STMN2: variants seen among roughly 807,000 people sequenced by gnomAD.
STMN2 encodes the protein stathmin 2, also known as stathmin-2.
A neutral mutation model predicts 24.1 loss-of-function variants in STMN2; 2 were observed. The observed-to-expected ratio is 0.08, with a 90% confidence interval of 0.03 to 0.26. The LOEUF (loss-of-function observed/expected upper bound fraction) is 0.26, where lower values mean the gene tolerates loss of function less well. Ranked by LOEUF, STMN2 falls within the 10% of genes least tolerant of loss-of-function variation. STMN2 has a pLI of 1.00. For missense variants in STMN2, 114 were observed against 213.6 expected (o/e 0.53, Z 2.91); for synonymous variants, 83 against 77.5 (o/e 1.07, Z -0.37).
intron 1 of STMN2, among the ~76,000 whole-genome samples, chr8:79,632,333 G>A (rs1809822625): frequency 6.6e-6 from 1 of 152,158 alleles, no homozygotes; most frequent in African/African-American, 2.4e-5. Flanking sequence ...GCATTCTATA[G>A]CATCTGATTT....
intron 3 of STMN2, among the ~76,000 whole-genome samples, chr8:79,648,543 A>G (rs1390642826): frequency 7.0e-6 from 1 of 141,990 alleles, no homozygotes; most frequent in African/African-American, 2.6e-5. Flanking sequence ...GCTAATTGCA[A>G]CCTCCACCTC....
chr8:79,633,573 A>C (rs979408945), intron 1 of STMN2, among the ~76,000 whole-genome samples: 2 of 152,338 alleles, frequency 1.3e-5, no homozygotes, highest in Middle Eastern at 3.4e-3. Flanking sequence ...GATTCTAGTT[A>C]GGGCCTACTT....
chr8:79,639,089 C>T (rs1331135578), intron 2 of STMN2, among the ~76,000 whole-genome samples: 2 of 152,198 alleles, frequency 1.3e-5, no homozygotes, highest in African/African-American at 2.4e-5. Context: ...GAGGTCAAGG[C>T]CTGCCAGCCT....
chr8:79,639,473 G>C (rs1810043088), intron 2 of STMN2, among the ~76,000 whole-genome samples: 1 of 152,192 alleles, frequency 6.6e-6, no homozygotes, highest in Non-Finnish European at 1.5e-5. Flanking sequence ...ATTGAGGGCT[G>C]ACCAGCGAGG....
chr8:79,661,008 C>A (rs1012166121), intron 4 of STMN2, among the ~76,000 whole-genome samples: 7 of 152,134 alleles, frequency 4.6e-5, no homozygotes, highest in African/African-American at 1.7e-4. Flanking sequence ...AGTAGTATTA[C>A]ATGGTGTATA....
chr8:79,652,089 C>T (rs1334216009), intron 3 of STMN2, among the ~76,000 whole-genome samples: 1 of 152,198 alleles, frequency 6.6e-6, no homozygotes, highest in Non-Finnish European at 1.5e-5. Context: ...CATTACCTAA[C>T]AGTGTATTAA....
chr8:79,628,402 C>CA (rs1381930237), intron 1 of STMN2, among the ~76,000 whole-genome samples: 1 of 152,138 alleles, frequency 6.6e-6, no homozygotes, highest in Non-Finnish European at 1.5e-5. Context: ...CCGTCCACCT[C>CA]AGACTCCCAA....
intron 3 of STMN2, among the ~76,000 whole-genome samples, chr8:79,647,453 G>C (rs1033029275): frequency 6.6e-6 from 1 of 152,152 alleles, no homozygotes; most frequent in Admixed American, 6.5e-5. Flanking sequence ...CCCCTTCAGG[G>C]AACTATGACC....
At chr8:79,657,889 G>A (rs998800120) in intron 4 of STMN2, among the ~76,000 whole-genome samples, 1 of 152,176 alleles carries the variant, frequency 6.6e-6, no homozygotes, top group Non-Finnish European at 1.5e-5. Flanking sequence ...TTTGAATGAA[G>A]TTACTCCTAT....
intron 1 of STMN2, among the ~76,000 whole-genome samples, chr8:79,628,329 A>C (rs1336227844): frequency 1.3e-5 from 2 of 151,812 alleles, no homozygotes; most frequent in Non-Finnish European, 2.9e-5. Context: ...ATGCCCGGCT[A>C]ATTTTTGTAT....
chr8:79,637,620 T>A (rs555373314), intron 2 of STMN2, among the ~76,000 whole-genome samples: 9 of 152,322 alleles, frequency 5.9e-5, no homozygotes, highest in Admixed American at 5.2e-4. Context: ...AACGGTTTAA[T>A]GTAAGTCAAA....
At chr8:79,633,674 A>T (rs1189262997) in intron 1 of STMN2, among the ~76,000 whole-genome samples, 1 of 152,166 alleles carries the variant, frequency 6.6e-6, no homozygotes. Flanking sequence ...AAGGACACTA[A>T]TCCCATTCAT....
intron 1 of STMN2, among the ~76,000 whole-genome samples, chr8:79,622,255 T>C (rs531997980): frequency 1.3e-5 from 2 of 152,218 alleles, no homozygotes; most frequent in African/African-American, 4.8e-5. Flanking sequence ...ATCACATGGT[T>C]GTTAAGTAAG....
Position 79,660,392 on chromosome 8 carries a change from A to G in STMN2, c.481-4423A>G, listed in dbSNP as rs577407579. Among the ~76,000 whole-genome samples the G allele has an allele frequency of 7.2e-5, 11 of 152,332 alleles. No individual in the cohort carries two copies. The East Asian group carries it at 2.1e-3, about 29-fold the overall frequency. ...TTCAGTATCGTTTAGAAAGGAGAGA[A>G]GCAAGTAACCCAGACAAACTTGACA... On this transcript the variant is annotated intron_variant, in intron 4 of 4. Coordinates refer to ENST00000220876, the MANE Select transcript of STMN2 (RefSeq NM_007029.4).
chr8:79,621,408 C>T (rs75526058), intron 1 of STMN2, among the ~76,000 whole-genome samples: 94 of 152,112 alleles, frequency 6.2e-4, no homozygotes, highest in Non-Finnish European at 5.7e-4. Context: ...TCAAAAACTG[C>T]GTCATTTGCT....
intron 4 of STMN2, among the ~76,000 whole-genome samples, chr8:79,655,871 T>G (rs901493315): frequency 5.9e-5 from 9 of 152,282 alleles, no homozygotes; most frequent in Non-Finnish European, 1.3e-4. Flanking sequence ...GACGCCTCAA[T>G]CCTTTTCTGA....
intron 4 of STMN2, chr8:79,663,667 C>A: frequency 5.3e-6 from 8 of 1,511,034 alleles, no homozygotes; most frequent in Non-Finnish European, 7.0e-6. Flanking sequence ...GCAATGTAAG[C>A]AACATTCTAC....
rs1026059432 is a variant in STMN2 at position 79,641,636 on chromosome 8, A to G, written c.288+86A>G. The G allele has an allele frequency of 1.9e-3, 761 of 410,886 alleles. 1 individual carries two copies. In the African/African-American group the frequency reaches 0.019, roughly 10 times the overall value. 25.5% of individuals were successfully genotyped at this position (410,886 alleles called of 1,614,324 possible). ...CTCGGGCACACATGCACGCACACACACACACACACACACACACACACACAC... is the reference window on the plus strand; with the variant it reads ...CTCGGGCACACATGCACGCACACACGCACACACACACACACACACACACAC... On this transcript the variant is annotated intron_variant, in intron 3 of 4. Coordinates refer to ENST00000220876, the MANE Select transcript of STMN2 (RefSeq NM_007029.4).
chr8:79,623,890 T>A (rs932027812), intron 1 of STMN2, among the ~76,000 whole-genome samples: 66 of 152,318 alleles, frequency 4.3e-4, no homozygotes, highest in African/African-American at 1.5e-3. Flanking sequence ...ATGATTTTTT[T>A]AAAAAAGGTT....
Sources: allele counts gnomAD v4.1 joint callset (sites outside exome capture counted in the v4.1 genomes callset), GRCh38; gene constraint gnomAD v4.1.1; transcripts MANE v1.5; gene names NCBI Gene and HGNC (gene_info 2026-07-23, HGNC 2026-07-21).